PIEZO2: variants seen among roughly 807,000 people sequenced by gnomAD.
PIEZO2 encodes the protein piezo type mechanosensitive ion channel component 2.
A neutral mutation model predicts 337.3 loss-of-function variants in PIEZO2; 172 were observed. The observed-to-expected ratio is 0.51, with a 90% CI of 0.45 to 0.58. The LOEUF is 0.58. Ranked by LOEUF, PIEZO2 falls within the 20% of genes least tolerant of loss-of-function variation. The pLI, the probability that PIEZO2 is intolerant of heterozygous loss-of-function variation, is 0.00. For missense variants in PIEZO2, 3,028 were observed against 3,391.3 expected (o/e 0.89, Z 2.66); for synonymous variants, 1,251 against 1,228.5 (o/e 1.02, Z -0.38).
At chr18:10,956,966 T>A (rs1410395896) in intron 3 of PIEZO2, among the ~76,000 whole-genome samples, 5 of 99,982 alleles carry the variant, frequency 5.0e-5, no homozygotes, top group African/African-American at 7.9e-5. Flanking sequence ...CAAAACTCCA[T>A]CTCAAAAAAA....
Position 11,066,165 on chromosome 18 carries a change from A to G in PIEZO2, c.122T>C (p.Ile41Thr). 1 of 1,537,028 alleles carries G rather than the reference A, an allele frequency of 6.5e-7. No individual in the cohort carries two copies. The highest frequency in any genetic ancestry group is 8.7e-7 in the Non-Finnish European group (1 of 1,146,714). Residue 41 changes from isoleucine to threonine, a missense_variant, in exon 2 of 56, where the codon ATT becomes ACT. Around this residue, in one of 5 missense-constraint regions of PIEZO2, gnomAD observed 542 missense variants for 605.6 expected, o/e 0.89. Coordinates refer to ENST00000674853, the MANE Select transcript of PIEZO2 (RefSeq NM_001378183.1). Reference sequence around the variant, plus strand: ...TTTTGTTGGTTCTGAGAACAGAGGAATGAGCAAGAGGTAGATAAGGTAGAC... The same window carrying G: ...TTTTGTTGGTTCTGAGAACAGAGGAGTGAGCAAGAGGTAGATAAGGTAGAC... ...SFVYLIYLLL[I>T]PLFSEPTKTT...
At chr18:10,972,762 G>A (rs2145445516) in intron 3 of PIEZO2, among the ~76,000 whole-genome samples, 1 of 152,328 alleles carries the variant, frequency 6.6e-6, no homozygotes, top group East Asian at 1.9e-4. Context: ...TTGGTTTGGA[G>A]TTGCCTCTAT....
At position 11,143,673 on chromosome 18, in the gene PIEZO2, A is replaced by ACT. The variant is rs79619707; in HGVS notation, c.64+4850_64+4851dup. ...CTCTCTCTCTCTCTCTCTCTCTCTC[A>ACT]CTCTCTCTCTCTCACATAATTTGGC... On this transcript the variant is annotated intron_variant, in intron 1 of 55. Transcript: ENST00000674853. The surrounding 1 kb of genome is among the most constrained non-coding windows in gnomAD (Gnocchi z 4.9). Among the ~76,000 whole-genome samples, 8 of 110,106 alleles carry ACT rather than the reference A, an allele frequency of 7.3e-5. No homozygotes were observed. Among genetic ancestry groups the ACT allele is most frequent in the East Asian group, 2.7e-4 (1 of 3,700 alleles). The allele number at this position is 110,106 out of a possible 152,430, so 72.2% of individuals were successfully genotyped here. A position where few individuals can be genotyped will look rare whatever the true frequency, so the allele number is the denominator to read the frequency against.
At position 10,803,855 on chromosome 18, in the gene PIEZO2, T is replaced by G; in HGVS notation, c.1200+20A>C. 1 of 1,535,896 alleles carries G rather than the reference T, an allele frequency of 6.5e-7. No individual in the cohort carries two copies. The highest frequency in any genetic ancestry group is 2.4e-5 in the East Asian group (1 of 40,906). On this transcript the variant is annotated intron_variant, in intron 9 of 55. Transcript: ENST00000674853. ...AAACAGAAAAATTAGGGAACGGAAA[T>G]CCCTTTCATCATGGCTTACTTTTCT...
intron 5 of PIEZO2, among the ~76,000 whole-genome samples, chr18:10,865,244 T>C (rs2041975113): frequency 6.6e-6 from 1 of 152,186 alleles, no homozygotes; most frequent in East Asian, 1.9e-4. Flanking sequence ...TCTAGGTTAA[T>C]GGGAAACCAA....
At position 11,061,505 on chromosome 18, in the gene PIEZO2, C is replaced by A. The variant is rs984005506; in HGVS notation, c.160+4622G>T. On this transcript the variant is annotated intron_variant, in intron 2 of 55. Coordinates refer to ENST00000674853, the MANE Select transcript of PIEZO2 (RefSeq NM_001378183.1). ...ATGACATGATTGTATATCTAGAAAACCGAATCGTCTCAGCCCACAATCTCC... is the reference window on the plus strand; with the variant it reads ...ATGACATGATTGTATATCTAGAAAAACGAATCGTCTCAGCCCACAATCTCC... 2.0e-5 allele frequency among the ~76,000 whole-genome samples: 3 copies of A among 151,990 alleles called. No individual in the cohort carries two copies. The South Asian group carries it at 6.2e-4, about 32-fold the overall frequency.
At chr18:11,054,069 A>G (rs558040061) in intron 2 of PIEZO2, among the ~76,000 whole-genome samples, 13 of 152,142 alleles carry the variant, frequency 8.5e-5, no homozygotes, top group Non-Finnish European at 1.2e-4. Flanking sequence ...TTAGTTTGCA[A>G]TTCTTGGGCG....
chr18:10,734,927 TA>T (rs2036938151), intron 35 of PIEZO2, among the ~76,000 whole-genome samples: 1 of 152,204 alleles, frequency 6.6e-6, no homozygotes, highest in Non-Finnish European at 1.5e-5. Flanking sequence ...GTGACCCTTT[TA>T]AAATGAGATG....
intron 36 of PIEZO2, among the ~76,000 whole-genome samples, chr18:10,729,855 C>T (rs919736161): frequency 2.0e-5 from 3 of 152,074 alleles, no homozygotes; most frequent in African/African-American, 7.2e-5. Flanking sequence ...AATGTGCGTG[C>T]CATTTGCAGT....
chr18:11,039,878 A>C (rs2037056949), intron 2 of PIEZO2, among the ~76,000 whole-genome samples: 1 of 152,082 alleles, frequency 6.6e-6, no homozygotes, highest in Non-Finnish European at 1.5e-5. Flanking sequence ...TAGCTTCCTG[A>C]TGCATTCTTA....
Position 10,815,646 on chromosome 18 carries a change from G to T in PIEZO2, c.918-8372C>A, listed in dbSNP as rs1162601426. Among the ~76,000 whole-genome samples the T allele has an allele frequency of 6.6e-6, 1 of 152,166 alleles. No homozygotes were observed. ...AGATGTATATAGTTCAAGCTAGAAT[G>T]ATACATCTTTTGTTTCCACAGCAAC... On this transcript the variant is annotated intron_variant, in intron 7 of 55. Transcript: ENST00000674853. The surrounding 1 kb of genome is among the most constrained non-coding windows in gnomAD (Gnocchi z 4.1).
In PIEZO2 at chr18:11,148,686, C is replaced by T. The variant is rs2040873219; in HGVS notation, c.-98G>A. 10 of 1,315,708 alleles carry T rather than the reference C, an allele frequency of 7.6e-6. No homozygotes were observed. Among genetic ancestry groups the T allele is most frequent in the Non-Finnish European group, 8.4e-6 (8 of 956,264 alleles). The allele number at this position is 1,315,708 out of a possible 1,614,324, so 81.5% of individuals were successfully genotyped here. Reference sequence around the variant, plus strand: ...ATGCCCGTCTATGGCCTCTCGCCGCCGGCAGCTCGCAGCCACCCGAGCATC... The same window carrying T: ...ATGCCCGTCTATGGCCTCTCGCCGCTGGCAGCTCGCAGCCACCCGAGCATC... On this transcript the variant is annotated 5_prime_UTR_variant, in exon 1 of 56. Coordinates refer to ENST00000674853, the MANE Select transcript of PIEZO2 (RefSeq NM_001378183.1). The surrounding 1 kb of genome is among the most constrained non-coding windows in gnomAD (Gnocchi z 5.2).
chr18:11,037,298 C>G (rs2036957831), intron 2 of PIEZO2, among the ~76,000 whole-genome samples: 1 of 152,036 alleles, frequency 6.6e-6, no homozygotes, highest in Admixed American at 6.6e-5. Flanking sequence ...GTGTATTATC[C>G]CAACTTAAAA....
At chr18:10,974,747 G>A (rs1257309372) in intron 3 of PIEZO2, among the ~76,000 whole-genome samples, 1 of 152,188 alleles carries the variant, frequency 6.6e-6, no homozygotes, top group Non-Finnish European at 1.5e-5. Context: ...CTGCAGGTTG[G>A]GCACTGCGTT....
At position 10,671,761 on chromosome 18, in the gene PIEZO2, A is replaced by G; in HGVS notation, c.8364T>C (p.Ala2788=). ...LAGYGIMGLY[A]SVVLVIGKFV... is the part of the protein sequence containing the mutation. ...ATTTCCCAATCACAAGGACAACTGA[A>G]GCATATAATCCCATAATACTGAAAA... The change falls in exon 56 of 56, where the codon GCT becomes GCC. Residue 2788 remains alanine, a synonymous_variant. Transcript: ENST00000674853. The G allele has an allele frequency of 6.2e-7, 1 of 1,613,726 alleles. No individual in the cohort carries two copies. The highest frequency in any genetic ancestry group is 8.5e-7 in the Non-Finnish European group (1 of 1,179,784).
At chr18:11,122,201 C>T (rs1287170429) in intron 1 of PIEZO2, among the ~76,000 whole-genome samples, 1 of 152,116 alleles carries the variant, frequency 6.6e-6, no homozygotes, top group African/African-American at 2.4e-5. Flanking sequence ...ATGATCCACC[C>T]GCCTCGGCCT....
In PIEZO2 at chr18:10,912,057, CT is replaced by C. The variant is rs547063038; in HGVS notation, c.287-830del. Reference sequence around the variant, plus strand: ...GTGTTGACCACAGAATTCACATATTCTTTTTTTTTTAAGCTAAACATGTTAA... The same window carrying C: ...GTGTTGACCACAGAATTCACATATTCTTTTTTTTTAAGCTAAACATGTTAA... On this transcript the variant is annotated intron_variant, in intron 3 of 55. Transcript: ENST00000674853. Among the ~76,000 whole-genome samples, 452 of 149,398 alleles carry C rather than the reference CT, an allele frequency of 3.0e-3. 2 individuals are homozygous for C. The highest frequency in any genetic ancestry group is 9.3e-3 in the African/African-American group (380 of 40,806).
At chr18:11,060,442 C>G (rs892815804) in intron 2 of PIEZO2, among the ~76,000 whole-genome samples, 6 of 151,974 alleles carry the variant, frequency 3.9e-5, no homozygotes, top group Non-Finnish European at 7.4e-5. Context: ...ACCAAAAAAC[C>G]CTTCAAAAAA....
intron 2 of PIEZO2, among the ~76,000 whole-genome samples, chr18:11,041,102 G>A (rs536187397): frequency 6.6e-6 from 1 of 152,286 alleles, no homozygotes; most frequent in East Asian, 1.9e-4. Flanking sequence ...TCCAAGGCAG[G>A]TGGGAGAAAA....
Sources: allele counts gnomAD v4.1 joint callset (sites outside exome capture counted in the v4.1 genomes callset), GRCh38; gene constraint gnomAD v4.1.1; regional missense constraint gnomAD v4.1.1; non-coding constraint Gnocchi (gnomAD v3.1); transcripts MANE v1.5; gene names NCBI Gene and HGNC (gene_info 2026-07-23, HGNC 2026-07-21).